CACNA1C: variants seen among roughly 807,000 people sequenced by gnomAD.
CACNA1C encodes calcium voltage-gated channel subunit alpha1 C.
CACNA1C carries 30 observed loss-of-function variants against 229.0 expected under a neutral mutation model. That is an observed-to-expected ratio of 0.13 (90% CI 0.10 to 0.18). The LOEUF is 0.18. Ranked by LOEUF, CACNA1C falls within the 10% of genes least tolerant of loss-of-function variation. The pLI, the probability that CACNA1C is intolerant of heterozygous loss-of-function variation, is 1.00. For missense variants in CACNA1C, 1,658 were observed against 2,845.0 expected, an observed-to-expected ratio of 0.58 and a Z score of 9.49; for synonymous variants, 1,114 against 1,132.5, an observed-to-expected ratio of 0.98 and a Z score of 0.33.
intron 29 of CACNA1C, among the ~76,000 whole-genome samples, chr12:2,620,849 A>G (rs1452476733): frequency 6.6e-6 from 1 of 152,216 alleles, no homozygotes; most frequent in Non-Finnish European, 1.5e-5. Context: ...GTGCCATGAG[A>G]GGCATTCAGT....
chr12:2,261,979 G>T (rs1323880378), intron 3 of CACNA1C, among the ~76,000 whole-genome samples: 1 of 152,246 alleles, frequency 6.6e-6, no homozygotes, highest in Non-Finnish European at 1.5e-5. Flanking sequence ...CCTCATGGGG[G>T]AGGGAGCCAG....
In CACNA1C at chr12:2,259,317, G is replaced by C. The variant is rs2154400158; in HGVS notation, c.477+138887G>C. ...TGATGTATGCTGAAGTTTGAGACTG[G>C]TTAGCTTAAAACAGCCTCTGAGAGG... On this transcript the variant is annotated intron_variant, in intron 3 of 46. Coordinates refer to ENST00000399655, the MANE Select transcript of CACNA1C (RefSeq NM_000719.7). Among the ~76,000 whole-genome samples, 3 of 152,316 alleles carry C rather than the reference G, an allele frequency of 2.0e-5. No homozygotes were observed. The South Asian group carries it at 6.2e-4, about 32-fold the overall frequency.
chr12:2,337,422 C>G (rs2096732120), intron 3 of CACNA1C, among the ~76,000 whole-genome samples: 1 of 152,222 alleles, frequency 6.6e-6, no homozygotes, highest in African/African-American at 2.4e-5. Context: ...ACAGTGCTCA[C>G]CAGCCCTCCA....
intron 9 of CACNA1C, among the ~76,000 whole-genome samples, chr12:2,543,558 CAGGTGCTTATGGGATAA>C (rs2099875990): frequency 6.6e-6 from 1 of 152,200 alleles, no homozygotes; most frequent in South Asian, 2.1e-4. Context: ...TTGATTCCTG[CAGGTGCTTATGGGATAA>C]ACTATCGCAA....
At chr12:2,079,057 C>T (rs1248252634) in intron 1 of CACNA1C, among the ~76,000 whole-genome samples, 1 of 140,710 alleles carries the variant, frequency 7.1e-6, no homozygotes, top group Non-Finnish European at 1.5e-5. Flanking sequence ...CATGTTCTCA[C>T]TTATAGGTGG....
chr12:2,159,259 C>T (rs1441363326), intron 3 of CACNA1C, among the ~76,000 whole-genome samples: 2 of 151,890 alleles, frequency 1.3e-5, no homozygotes, highest in African/African-American at 4.8e-5. Flanking sequence ...TTTGGGAGGC[C>T]AAGGTTGGGA....
chr12:2,312,306 T>C (rs1262140216), intron 3 of CACNA1C, among the ~76,000 whole-genome samples: 3 of 152,220 alleles, frequency 2.0e-5, no homozygotes, highest in African/African-American at 7.2e-5. Flanking sequence ...AAGACTTCAG[T>C]ATCCTGCAGC....
At chr12:2,244,296 C>T (rs908134832) in intron 3 of CACNA1C, among the ~76,000 whole-genome samples, 8 of 152,362 alleles carry the variant, frequency 5.3e-5, no homozygotes, top group African/African-American at 1.9e-4. Context: ...GTGCTCATTA[C>T]CACTAGCCCA....
intron 3 of CACNA1C, among the ~76,000 whole-genome samples, chr12:2,265,779 G>A (rs1229170108): frequency 2.0e-5 from 3 of 152,138 alleles, no homozygotes; most frequent in Admixed American, 1.3e-4. Context: ...GAGTGCTCCC[G>A]CCCCCTTTGG....
chr12:2,279,113 TTATA>T (rs2090091083), intron 3 of CACNA1C, among the ~76,000 whole-genome samples: 1 of 152,222 alleles, frequency 6.6e-6, no homozygotes, highest in African/African-American at 2.4e-5. Context: ...TGAGGTTTCT[TTATA>T]TATTCTGGCT....
intron 3 of CACNA1C, among the ~76,000 whole-genome samples, chr12:2,446,199 G>GGA (rs2099276516): frequency 6.6e-5 from 9 of 137,018 alleles, no homozygotes; most frequent in African/African-American, 2.2e-4. Flanking sequence ...AGGTGGGTGG[G>GGA]TGGATGGATG....
chr12:2,605,925 G>C lies in CACNA1C; in HGVS notation c.3156+139G>C, dbSNP rs572217108. 19 of 646,544 alleles carry C rather than the reference G, an allele frequency of 2.9e-5. No individual in the cohort carries two copies. The East Asian group carries it at 3.8e-4, about 13-fold the overall frequency. The allele number at this position is 646,544 out of a possible 1,614,324, so 40.1% of individuals were successfully genotyped here. On this transcript the variant is annotated intron_variant, in intron 24 of 46. Coordinates refer to ENST00000399655, the MANE Select transcript of CACNA1C (RefSeq NM_000719.7). The surrounding 1 kb of genome is among the most constrained non-coding windows in gnomAD (Gnocchi z 6.2). Reference sequence around the variant, plus strand: ...TGGATATAACCTCCACCTGCAGCCCGACTCAACCTTCAGACCAGGGTAGGG... The same window carrying C: ...TGGATATAACCTCCACCTGCAGCCCCACTCAACCTTCAGACCAGGGTAGGG...
chr12:2,442,381 G>A (rs945326514), intron 3 of CACNA1C, among the ~76,000 whole-genome samples: 14 of 152,082 alleles, frequency 9.2e-5, no homozygotes, highest in Admixed American at 2.6e-4. Flanking sequence ...GGAGATCTAA[G>A]AAATGAACAG....
In CACNA1C at chr12:2,274,012, C is replaced by G. The variant is rs144843766; in HGVS notation, c.477+153582C>G. 7.7e-3 allele frequency among the ~76,000 whole-genome samples: 1,172 copies of G among 152,352 alleles called. 8 individuals are homozygous for G. The highest frequency in any genetic ancestry group is 0.013 in the Non-Finnish European group (899 of 68,032). On this transcript the variant is annotated intron_variant, in intron 3 of 46. Transcript: ENST00000399655. ...CAGGGCTTGTTCACCTGCGTCCTGTCCAGCACGCGGCAGGAGCTATCCTGG... is the reference window on the plus strand; with the variant it reads ...CAGGGCTTGTTCACCTGCGTCCTGTGCAGCACGCGGCAGGAGCTATCCTGG...
intron 18 of CACNA1C, among the ~76,000 whole-genome samples, chr12:2,589,447 C>T (rs1163218795): frequency 6.6e-6 from 1 of 152,220 alleles, no homozygotes; most frequent in East Asian, 1.9e-4. Flanking sequence ...TAGGTGGAGA[C>T]CCTGAGTGCA....
At chr12:2,642,026 CAGAG>C (rs2093767930) in intron 30 of CACNA1C, among the ~76,000 whole-genome samples, 1 of 152,238 alleles carries the variant, frequency 6.6e-6, no homozygotes, top group Non-Finnish European at 1.5e-5. Context: ...GGGGTGCAGA[CAGAG>C]AGACGGGCCT....
chr12:2,208,529 C>G (rs910478007), intron 3 of CACNA1C, among the ~76,000 whole-genome samples: 1 of 152,108 alleles, frequency 6.6e-6, no homozygotes, highest in Admixed American at 6.5e-5. Context: ...AGCCCTCTGT[C>G]CCCTAGGCAT....
At position 2,555,780 on chromosome 12, in the gene CACNA1C, G is replaced by T. The variant is rs376212921; in HGVS notation, c.1482-1171G>T. ...TAATTATCTCATGCACGATGGCTTT[G>T]CCACCTGTCACATCTTCTGGCTTAA... On this transcript the variant is annotated intron_variant, in intron 10 of 46. Transcript: ENST00000399655. 2.6e-5 allele frequency among the ~76,000 whole-genome samples: 4 copies of T among 152,324 alleles called. 1 individual carries two copies. Among genetic ancestry groups the T allele is most frequent in the South Asian group, 2.1e-4 (1 of 4,828 alleles).
At position 2,467,675 on chromosome 12, in the gene CACNA1C, C is replaced by T. The variant is rs996878906; in HGVS notation, c.757+9969C>T. ...ACAGGGTGGGTCCCACGCCCAGCCCCGCCCTGCCCCTTAGCACCTGCCAGG... is the reference window on the plus strand; with the variant it reads ...ACAGGGTGGGTCCCACGCCCAGCCCTGCCCTGCCCCTTAGCACCTGCCAGG... On this transcript the variant is annotated intron_variant, in intron 5 of 46. Coordinates refer to ENST00000399655, the MANE Select transcript of CACNA1C (RefSeq NM_000719.7). This position sits in a 1 kb window ranked among gnomAD's most constrained non-coding sequence, Gnocchi z 4.6. Among the ~76,000 whole-genome samples the T allele has an allele frequency of 3.9e-5, 6 of 152,290 alleles. No individual in the cohort carries two copies. The highest frequency in any genetic ancestry group is 1.9e-4 in the East Asian group (1 of 5,180).
Sources: allele counts gnomAD v4.1 joint callset (sites outside exome capture counted in the v4.1 genomes callset), GRCh38; gene constraint gnomAD v4.1.1; non-coding constraint Gnocchi (gnomAD v3.1); transcripts MANE v1.5; gene names NCBI Gene and HGNC (gene_info 2026-07-23, HGNC 2026-07-21).